Variants in SCP2 observed in about 807,000 individuals in gnomAD.
SCP2 encodes the protein SCP-2/3-oxoacyl-CoA thiolase.
Under a neutral mutation model 71.4 loss-of-function variants are expected in SCP2, and 48 were observed. That is an observed-to-expected ratio of 0.67 (90% CI 0.53 to 0.86). SCP2 has a LOEUF of 0.86. SCP2 is among the 40% of genes least tolerant of loss of function. The pLI is 0.00. For missense variants in SCP2, 560 were observed against 655.6 expected (o/e 0.85, Z 1.59); for synonymous variants, 220 against 218.1 (o/e 1.01, Z -0.08).
intron 12 of SCP2, among the ~76,000 whole-genome samples, chr1:53,022,391 CTAGTGGTTGTG>C (rs372688671): frequency 1.3e-5 from 2 of 152,146 alleles, no homozygotes; most frequent in African/African-American, 4.8e-5. Context: ...GTTAGCCATC[CTAGTGGTTGTG>C]TAGTGGTATT....
chr1:52,972,850 C>T (rs570974411), intron 6 of SCP2, among the ~76,000 whole-genome samples: 1 of 152,346 alleles, frequency 6.6e-6, no homozygotes, highest in East Asian at 1.9e-4. Context: ...AGTCTAATTG[C>T]TGTACTGTGA....
rs750424256 is a variant in SCP2 at position 52,978,238 on chromosome 1, A to G, written c.696A>G (p.Ala232=). ...LQCCPTSDGA[A]AAILASEAFV... is the part of the protein sequence containing the mutation. ...TTAGTCCCACTTCAGATGGTGCTGCAGCAGCAATTTTGGCCAGTGAAGCAT... is the reference window on the plus strand; with the variant it reads ...TTAGTCCCACTTCAGATGGTGCTGCGGCAGCAATTTTGGCCAGTGAAGCAT... The change falls in exon 9 of 16, where the codon GCA becomes GCG. Residue 232 remains alanine (A), a synonymous_variant. Transcript: ENST00000371514. The G allele has an allele frequency of 6.2e-7, 1 of 1,613,836 alleles. No individual in the cohort carries two copies. The highest frequency in any genetic ancestry group is 1.1e-5 in the South Asian group (1 of 91,070).
chr1:52,973,315 T>C (rs1014109201), intron 6 of SCP2, among the ~76,000 whole-genome samples: 2 of 151,624 alleles, frequency 1.3e-5, no homozygotes, highest in Admixed American at 1.3e-4. Context: ...TGTTTAACCA[T>C]AGTCTAAACT....
intron 12 of SCP2, among the ~76,000 whole-genome samples, chr1:53,018,426 C>A (rs539257111): frequency 6.6e-6 from 1 of 152,164 alleles, no homozygotes; most frequent in South Asian, 2.1e-4. Context: ...TTTTGCTTAA[C>A]CACAGTAGTT....
At chr1:53,041,617 A>C (rs530577005) in intron 14 of SCP2, among the ~76,000 whole-genome samples, 16 of 152,280 alleles carry the variant, frequency 1.1e-4, no homozygotes, top group Admixed American at 7.2e-4. Flanking sequence ...AGATGTTGCC[A>C]CTGTCTAAGT....
In SCP2 at chr1:52,998,714, A is replaced by C. The variant is rs570586690; in HGVS notation, c.1081+10578A>C. On this transcript the variant is annotated intron_variant, in intron 11 of 15. Coordinates refer to ENST00000371514, the MANE Select transcript of SCP2 (RefSeq NM_002979.5). ...AAAGGGTAGTATACATTTAAAAATC[A>C]GTGCAGATTGCCAAATTTTCTTCAG... 7.9e-5 allele frequency among the ~76,000 whole-genome samples: 12 copies of C among 152,342 alleles called. No homozygotes were observed. The South Asian group carries it at 2.3e-3, about 29-fold the overall frequency.
chr1:53,043,361 CAT>C (rs1348959291), intron 14 of SCP2, among the ~76,000 whole-genome samples: 1 of 152,288 alleles, frequency 6.6e-6, no homozygotes, highest in African/African-American at 2.4e-5. Flanking sequence ...TGCTTAGACA[CAT>C]AGGTTTGTCT....
At position 52,966,986 on chromosome 1, in the gene SCP2, G is replaced by A. The variant is rs113045594; in HGVS notation, c.523+5357G>A. Among the ~76,000 whole-genome samples the A allele has an allele frequency of 7.6e-3, 1,158 of 152,136 alleles. 10 individuals carry two copies. The highest frequency in any genetic ancestry group is 0.025 in the African/African-American group (1,040 of 41,518). On this transcript the variant is annotated intron_variant, in intron 6 of 15. Transcript: ENST00000371514. The stretch of plus-strand genomic sequence containing the variant: ...ACGGATTACCTGAGGTCAGGAGTTC[G>A]AGATCAGCCTGGTCAGCATGGTGAA...
intron 11 of SCP2, among the ~76,000 whole-genome samples, chr1:53,007,451 C>T (rs1306512322): frequency 6.6e-6 from 1 of 152,150 alleles, no homozygotes; most frequent in East Asian, 1.9e-4. Flanking sequence ...TGCAATCAAA[C>T]TAGAACTCAG....
intron 6 of SCP2, among the ~76,000 whole-genome samples, chr1:52,966,859 C>T (rs1359766385): frequency 2.0e-5 from 3 of 151,378 alleles, no homozygotes; most frequent in Non-Finnish European, 4.4e-5. Context: ...TGCCATTGTA[C>T]TCCAGCCTGG....
At chr1:52,975,846 A>G (rs1449927506) in intron 7 of SCP2, among the ~76,000 whole-genome samples, 1 of 152,172 alleles carries the variant, frequency 6.6e-6, no homozygotes, top group Non-Finnish European at 1.5e-5. Flanking sequence ...TGCAAACTCC[A>G]TGAATTAAGG....
intron 11 of SCP2, chr1:52,993,261 G>C (rs372915189): frequency 1.2e-6 from 2 of 1,614,148 alleles, no homozygotes; most frequent in Non-Finnish European, 1.7e-6. Context: ...GGTGAAGGAG[G>C]ACATTCCTGC....
intron 2 of SCP2, among the ~76,000 whole-genome samples, chr1:52,944,158 G>T (rs1654549633): frequency 6.6e-6 from 1 of 152,178 alleles, no homozygotes; most frequent in African/African-American, 2.4e-5. Flanking sequence ...GTTAGGCACA[G>T]TCCTTTTCCT....
At chr1:53,036,019 CAAAAAAAAAAA>C (rs35164089) in intron 13 of SCP2, among the ~76,000 whole-genome samples, 11 of 63,290 alleles carry the variant, frequency 1.7e-4, no homozygotes, top group African/African-American at 3.1e-4. Flanking sequence ...GACTCCGTCT[CAAAAAAAAAAA>C]AAAAAAAAAA....
intron 6 of SCP2, among the ~76,000 whole-genome samples, chr1:52,968,053 G>A (rs1657138362): frequency 6.6e-6 from 1 of 152,090 alleles, no homozygotes; most frequent in African/African-American, 2.4e-5. Flanking sequence ...CAATTCTCCT[G>A]CCCCAGCCTC....
rs79973362 is a variant in SCP2 at position 52,958,755 on chromosome 1, A to G, written c.397-2748A>G. Among the ~76,000 whole-genome samples the G allele has an allele frequency of 3.0e-3, 455 of 152,122 alleles. 5 individuals carry two copies. The highest frequency in any genetic ancestry group is 0.026 in the East Asian group (133 of 5,160). ...TTCTTTTAAGTGACGGGTTCTCCCT[A>G]TGTTGCCCAGGCTGGTTTCAAGCTC... is the stretch of plus-strand genomic sequence containing the variant. On this transcript the variant is annotated intron_variant, in intron 5 of 15. Coordinates refer to ENST00000371514, the MANE Select transcript of SCP2 (RefSeq NM_002979.5).
rs528122385 is a variant in SCP2 at position 53,002,173 on chromosome 1, T to A, written c.1082-12717T>A. 2.7e-4 allele frequency among the ~76,000 whole-genome samples: 39 copies of A among 142,956 alleles called. No individual in the cohort carries two copies. In the East Asian group the frequency reaches 7.5e-3, roughly 27 times the overall value. 93.8% of individuals were successfully genotyped at this position (142,956 alleles called of 152,430 possible). ...CTGCACTCCAGCCTGGGTGACAGAG[T>A]GAGACTCCGTCTCAAAAAAAAAAAA... On this transcript the variant is annotated intron_variant, in intron 11 of 15. Coordinates refer to ENST00000371514, the MANE Select transcript of SCP2 (RefSeq NM_002979.5).
In SCP2 at chr1:53,051,306, AT is replaced by A. The variant is rs1390787966; in HGVS notation, c.*607del. 1.3e-5 allele frequency: 2 copies of A among 152,216 alleles called. No individual in the cohort carries two copies. The highest frequency in any genetic ancestry group is 2.4e-5 in the African/African-American group (1 of 41,466). The allele number at this position is 152,216 out of a possible 1,614,324, so 9.4% of individuals were successfully genotyped here. On this transcript the variant is annotated 3_prime_UTR_variant, in exon 16 of 16. Transcript: ENST00000371514. ...ACAGGCTTATTTTTAAAATAAAAAT[AT>A]TTTTAACATGGGTTTCCTTATTGAA... is the stretch of plus-strand genomic sequence containing the variant.
chr1:52,928,031 G>A (rs184803762), intron 1 of SCP2, among the ~76,000 whole-genome samples: 1 of 152,330 alleles, frequency 6.6e-6, no homozygotes, highest in East Asian at 1.9e-4. Context: ...TTTCTCCCCG[G>A]ACGCAGTTGT....
Sources: allele counts gnomAD v4.1 joint callset (sites outside exome capture counted in the v4.1 genomes callset), GRCh38; gene constraint gnomAD v4.1.1; transcripts MANE v1.5; gene names NCBI Gene and HGNC (gene_info 2026-07-23, HGNC 2026-07-21).